The following CTNNA3 variants were observed in gnomAD, a reference collection of about 807,000 sequenced individuals.
CTNNA3 encodes catenin alpha 3.
Under a neutral mutation model 95.7 loss-of-function variants are expected in CTNNA3, and 76 were observed. The ratio of observed to expected loss-of-function variants is 0.79; its 90% CI spans 0.66 to 0.96. The LOEUF (loss-of-function observed/expected upper bound fraction) is 0.96. CTNNA3 is among the 40% of genes least tolerant of loss of function. The probability of loss-of-function intolerance (pLI) is 0.00; values close to 1 mark genes in which losing one functional copy is unlikely to be tolerated. For missense variants in CTNNA3, 1,191 were observed against 1,089.8 expected, an observed-to-expected ratio of 1.09 and a Z score of -1.31; for synonymous variants, 431 against 374.4, an observed-to-expected ratio of 1.15 and a Z score of -1.74.
At chr10:66,893,650 A>G (rs772692024) in intron 7 of CTNNA3, among the ~76,000 whole-genome samples, 3 of 152,138 alleles carry the variant, frequency 2.0e-5, no homozygotes, top group Non-Finnish European at 2.9e-5. Flanking sequence ...AGATTAGAGA[A>G]TTGTTTACTC....
At chr10:66,151,626 T>C (rs1224500045) in intron 13 of CTNNA3, among the ~76,000 whole-genome samples, 2 of 151,908 alleles carry the variant, frequency 1.3e-5, no homozygotes, top group Admixed American at 1.3e-4. Flanking sequence ...GTATCTCCTG[T>C]AAATATCTGA....
At chr10:65,975,021 G>A (rs1484450248) in intron 16 of CTNNA3, among the ~76,000 whole-genome samples, 2 of 152,060 alleles carry the variant, frequency 1.3e-5, no homozygotes, top group African/African-American at 2.4e-5. Flanking sequence ...ACTTAAGCTG[G>A]AGTGTTTTTG....
intron 11 of CTNNA3, among the ~76,000 whole-genome samples, chr10:66,472,691 A>G (rs1177487897): frequency 6.6e-6 from 1 of 152,036 alleles, no homozygotes; most frequent in African/African-American, 2.4e-5. Flanking sequence ...CAAAAAGTCT[A>G]GCGTTTCAGA....
intron 5 of CTNNA3, among the ~76,000 whole-genome samples, chr10:67,452,311 TTA>T (rs1847019790): frequency 6.6e-6 from 1 of 152,158 alleles, no homozygotes; most frequent in Non-Finnish European, 1.5e-5. Context: ...GCAAAATGTA[TTA>T]TGAGACTCAA....
intron 10 of CTNNA3, among the ~76,000 whole-genome samples, chr10:66,548,147 C>A (rs1211924743): frequency 6.6e-6 from 1 of 151,906 alleles, no homozygotes; most frequent in African/African-American, 2.4e-5. Flanking sequence ...AAACTCCGAA[C>A]CTCAGGTGAT....
chr10:66,842,577 G>A (rs1251006579), intron 7 of CTNNA3, among the ~76,000 whole-genome samples: 1 of 152,144 alleles, frequency 6.6e-6, no homozygotes, highest in African/African-American at 2.4e-5. Flanking sequence ...TGGTTTTGCT[G>A]ACTAAGGGCT....
At chr10:66,336,955 A>C (rs1481455459) in intron 12 of CTNNA3, among the ~76,000 whole-genome samples, 1 of 152,068 alleles carries the variant, frequency 6.6e-6, no homozygotes, top group Non-Finnish European at 1.5e-5. Context: ...TTTTTTCCAG[A>C]GGCTGCATGA....
intron 5 of CTNNA3, among the ~76,000 whole-genome samples, chr10:67,380,099 C>A (rs1389903875): frequency 6.7e-6 from 1 of 149,910 alleles, no homozygotes; most frequent in East Asian, 2.0e-4. Context: ...TGCCTGTTAT[C>A]AAACTAATCT....
chr10:66,669,540 CA>C (rs151092812), intron 9 of CTNNA3, among the ~76,000 whole-genome samples: 17 of 148,482 alleles, frequency 1.1e-4, no homozygotes, highest in South Asian at 2.1e-4. Context: ...AGACTTTTGT[CA>C]AAAAAAAAGA....
Position 66,209,484 on chromosome 10 carries a change from T to C in CTNNA3, c.1884+70986A>G, listed in dbSNP as rs148841086. Among the ~76,000 whole-genome samples, 969 of 152,238 alleles carry C rather than the reference T, an allele frequency of 6.4e-3. 10 individuals carry two copies. The highest frequency in any genetic ancestry group is 0.021 in the African/African-American group (886 of 41,532). On this transcript the variant is annotated intron_variant, in intron 13 of 17. Transcript: ENST00000433211. ...TGAAGGTGAGAGAGAGGTCATGTCA[T>C]GCATACATCTGGAGTATGGAAAGAG...
intron 3 of CTNNA3, among the ~76,000 whole-genome samples, chr10:67,590,353 T>G: frequency 6.6e-6 from 1 of 152,090 alleles, no homozygotes; most frequent in East Asian, 1.9e-4. Flanking sequence ...ATCAAGTACC[T>G]ATCTTAAAAA....
chr10:67,084,550 A>C (rs1857205683), intron 7 of CTNNA3, among the ~76,000 whole-genome samples: 1 of 151,978 alleles, frequency 6.6e-6, no homozygotes, highest in Non-Finnish European at 1.5e-5. Context: ...CACCCTTTAG[A>C]TTAGAAAATT....
chr10:66,373,268 CT>C (rs2092767753), intron 12 of CTNNA3, among the ~76,000 whole-genome samples: 1 of 152,006 alleles, frequency 6.6e-6, no homozygotes, highest in African/African-American at 2.4e-5. Context: ...AGATAAGAAT[CT>C]TGCCATTCTT....
At chr10:66,131,942 A>G (rs1426376169) in intron 13 of CTNNA3, among the ~76,000 whole-genome samples, 2 of 152,210 alleles carry the variant, frequency 1.3e-5, no homozygotes, top group African/African-American at 4.8e-5. Context: ...CTAAAATTAT[A>G]AAAACCTTGG....
intron 5 of CTNNA3, among the ~76,000 whole-genome samples, chr10:67,321,136 G>T (rs2132552356): frequency 6.6e-6 from 1 of 152,236 alleles, no homozygotes; most frequent in South Asian, 2.1e-4. Flanking sequence ...TCATGATATT[G>T]TTAAAAACTG....
intron 5 of CTNNA3, among the ~76,000 whole-genome samples, chr10:67,388,779 T>C (rs940559721): frequency 6.6e-6 from 1 of 152,030 alleles, no homozygotes; most frequent in African/African-American, 2.4e-5. Flanking sequence ...GAAAAGAATT[T>C]TCAACCCAGA....
intron 7 of CTNNA3, among the ~76,000 whole-genome samples, chr10:66,912,594 A>T (rs576323615): frequency 1.3e-5 from 2 of 152,240 alleles, no homozygotes; most frequent in African/African-American, 2.4e-5. Context: ...CATGAACACA[A>T]CACCAGGAAG....
intron 7 of CTNNA3, among the ~76,000 whole-genome samples, chr10:66,784,308 T>C (rs545507048): frequency 5.5e-5 from 7 of 126,414 alleles, no homozygotes; most frequent in Non-Finnish European, 1.2e-4. Context: ...CAAGATAAAT[T>C]AGTAGGTAAT....
intron 1 of CTNNA3, among the ~76,000 whole-genome samples, chr10:67,760,879 G>C (rs1410484555): frequency 6.6e-6 from 1 of 152,044 alleles, no homozygotes; most frequent in East Asian, 1.9e-4. Context: ...CAAGCTCAGG[G>C]CTCCCACTGA....
Sources: allele counts gnomAD v4.1 joint callset (sites outside exome capture counted in the v4.1 genomes callset), GRCh38; gene constraint gnomAD v4.1.1; transcripts MANE v1.5; gene names NCBI Gene and HGNC (gene_info 2026-07-23, HGNC 2026-07-21).